The following DYNC2LI1 variants were observed in gnomAD, a reference collection of about 807,000 sequenced individuals.
DYNC2LI1 encodes cytoplasmic dynein 2 light intermediate chain 1.
In DYNC2LI1, 45 loss-of-function variants were observed where a neutral mutation model predicts 51.9. The ratio of observed to expected loss-of-function variants is 0.87; its 90% CI spans 0.68 to 1.11. The LOEUF is 1.11. DYNC2LI1 is among the 50% of genes most tolerant of loss of function. DYNC2LI1 has a pLI of 0.00. For synonymous variants in DYNC2LI1, 130 were observed against 137.8 expected (o/e 0.94, Z 0.40); for missense variants, 490 against 417.4 (o/e 1.17, Z -1.51).
chr2:43,818,708 G>C, the DYNC2LI1 span, among the ~76,000 whole-genome samples: 139 of 152,200 alleles, frequency 9.1e-4, no homozygotes, highest in African/African-American at 3.3e-3. Flanking sequence ...ACAATATCAT[G>C]GTCTTCGTGT....
chr2:43,815,189 T>C, the DYNC2LI1 span, among the ~76,000 whole-genome samples: 2 of 152,206 alleles, frequency 1.3e-5, no homozygotes, highest in South Asian at 2.1e-4. Flanking sequence ...CCAACATTCA[T>C]TGTGAAAATG....
At chr2:43,780,149 T>G (rs915247733) in intron 2 of DYNC2LI1, among the ~76,000 whole-genome samples, 4 of 152,176 alleles carry the variant, frequency 2.6e-5, no homozygotes, top group Admixed American at 6.5e-5. Context: ...AAAGAGTTAT[T>G]ACTGTGGGGA....
chr2:43,785,664 G>A (rs1335317468), intron 3 of DYNC2LI1, among the ~76,000 whole-genome samples: 1 of 151,934 alleles, frequency 6.6e-6, no homozygotes, highest in Non-Finnish European at 1.5e-5. Context: ...AACCTGGGAG[G>A]CAGAGGTTGC....
At chr2:43,800,268 T>G (rs377123514) in intron 8 of DYNC2LI1, among the ~76,000 whole-genome samples, 1 of 152,180 alleles carries the variant, frequency 6.6e-6, no homozygotes, top group East Asian at 1.9e-4. Flanking sequence ...TCCCTAGTTA[T>G]ATACCAGCAC....
At chr2:43,826,843 G>C in the DYNC2LI1 span, among the ~76,000 whole-genome samples, 13 of 152,190 alleles carry the variant, frequency 8.5e-5, no homozygotes, top group Admixed American at 8.5e-4. Context: ...CTGGCATCAA[G>C]TTGTTTTAAA....
At chr2:43,785,160 A>G (rs369206351) in intron 3 of DYNC2LI1, among the ~76,000 whole-genome samples, 29 of 152,104 alleles carry the variant, frequency 1.9e-4, no homozygotes, top group African/African-American at 7.0e-4. Flanking sequence ...TTAGCTGGGC[A>G]TGGTGGTGCA....
At chr2:43,822,478 G>GCCCCGCC in the DYNC2LI1 span, 1 of 432,260 alleles carries the variant, frequency 2.3e-6, no homozygotes, top group African/African-American at 2.2e-5. Flanking sequence ...CCTCCCCCAG[G>GCCCCGCC]CCCCCCCCCA....
chr2:43,774,671 T>C (rs1285933595), intron 1 of DYNC2LI1, among the ~76,000 whole-genome samples: 1 of 152,212 alleles, frequency 6.6e-6, no homozygotes, highest in East Asian at 1.9e-4. Context: ...TTCTCAACAA[T>C]TTATGCTTAA....
downstream of DYNC2LI1, chr2:43,812,814 G>GA (rs140489975): frequency 2.3e-4 from 78 of 338,822 alleles, no homozygotes; most frequent in African/African-American, 1.0e-3. Flanking sequence ...CTAGAACAAG[G>GA]AAAAAAAATA....
intron 12 of DYNC2LI1, among the ~76,000 whole-genome samples, chr2:43,806,896 AT>A (rs1032157777): frequency 6.6e-6 from 1 of 151,252 alleles, no homozygotes; most frequent in African/African-American, 2.4e-5. Flanking sequence ...TTGGTTCGAG[AT>A]TTTTTTTTAA....
At chr2:43,775,399 T>C (rs1333846366) in intron 1 of DYNC2LI1, among the ~76,000 whole-genome samples, 1 of 152,116 alleles carries the variant, frequency 6.6e-6, no homozygotes, top group African/African-American at 2.4e-5. Flanking sequence ...TATATATGAT[T>C]TTATCGTGTA....
rs1156830700 is a variant in DYNC2LI1, at chr2:43,783,565, T to C, written c.161+11T>C. On this transcript the variant is annotated intron_variant, in intron 3 of 12. Transcript: ENST00000260605. The stretch of plus-strand genomic sequence containing the variant: ...AAGGTGTCTTGACAGGTAAGTGTTA[T>C]GTTAACCTTTAAACTATATTTATGC... 2 of 1,507,822 alleles carry C rather than the reference T, an allele frequency of 1.3e-6. No homozygotes were observed. Among genetic ancestry groups the C allele is most frequent in the Non-Finnish European group, 8.9e-7 (1 of 1,126,704 alleles). The allele number at this position is 1,507,822 out of a possible 1,614,324, so 93.4% of individuals were successfully genotyped here.
chr2:43,795,128 G>T (rs752507529), intron 6 of DYNC2LI1: 24 of 994,778 alleles, frequency 2.4e-5, no homozygotes, highest in Non-Finnish European at 2.9e-5. Context: ...AAGTTGCTAT[G>T]ATGGTAACAC....
At position 43,804,485 on chromosome 2, in the gene DYNC2LI1, C is replaced by T. The variant is rs140284655; in HGVS notation, c.803-157C>T. On this transcript the variant is annotated intron_variant, in intron 10 of 12. Coordinates refer to ENST00000260605, the MANE Select transcript of DYNC2LI1 (RefSeq NM_016008.4). ...ACTAGAATCTGTCCCAGTGACCTTG[C>T]TATGCTGGGTAGGGTAAATTTTTAT... Among the ~76,000 whole-genome samples the T allele has an allele frequency of 5.8e-4, 89 of 152,232 alleles. 1 individual carries two copies. The highest frequency in any genetic ancestry group is 2.1e-3 in the African/African-American group (88 of 41,548).
chr2:43,813,697 G>GTTTTTTTTTTTTTTTTTTTTTTTTTT (rs1235368677), downstream of DYNC2LI1, among the ~76,000 whole-genome samples: 1 of 91,318 alleles, frequency 1.1e-5, no homozygotes, highest in South Asian at 3.5e-4. Flanking sequence ...TTTTTTTGGG[G>GTTTTTTTTTTTTTTTTTTTTTTTTTT]TTTTTTTTTT....
At chr2:43,811,883 C>A (rs367566316), downstream of DYNC2LI1, among the ~76,000 whole-genome samples, 5 of 152,114 alleles carry the variant, frequency 3.3e-5, no homozygotes, top group Admixed American at 1.3e-4. Flanking sequence ...CATGAGCCAC[C>A]GCGCCTGGCC....
intron 2 of DYNC2LI1, chr2:43,781,510 T>G (rs1673280109): frequency 6.6e-6 from 1 of 152,306 alleles, no homozygotes; most frequent in South Asian, 2.1e-4. Flanking sequence ...CATTACTTTT[T>G]GGGTAATGTA....
the DYNC2LI1 span, among the ~76,000 whole-genome samples, chr2:43,817,678 G>A: frequency 2.0e-5 from 3 of 152,098 alleles, no homozygotes; most frequent in Non-Finnish European, 4.4e-5. Context: ...GGGAGGCCAA[G>A]GCAGGCAGAT....
At chr2:43,826,397 AC>A in the DYNC2LI1 span, 1 of 1,613,940 alleles carries the variant, frequency 6.2e-7, no homozygotes, top group Non-Finnish European at 8.5e-7. Flanking sequence ...AAAGCTCAGA[AC>A]GGGGCTGGTG....
Sources: allele counts gnomAD v4.1 joint callset (sites outside exome capture counted in the v4.1 genomes callset), GRCh38; gene constraint gnomAD v4.1.1; transcripts MANE v1.5; gene names NCBI Gene and HGNC (gene_info 2026-07-23, HGNC 2026-07-21).